RBM44: variants seen among roughly 807,000 people sequenced by gnomAD.
RBM44 encodes the protein RNA binding motif protein 44.
Under a neutral mutation model 105.1 loss-of-function variants are expected in RBM44, and 66 were observed. The ratio of observed to expected loss-of-function variants is 0.63; its 90% CI spans 0.52 to 0.77. The LOEUF is 0.77. RBM44 is among the 30% of genes least tolerant of loss of function. The pLI is 0.00. For synonymous variants in RBM44, 365 were observed against 417.6 expected (o/e 0.87, Z 1.54); for missense variants, 1,122 against 1,207.8 (o/e 0.93, Z 1.05).
chr2:237,799,484 CG>C (rs1280462650), intron 1 of RBM44: 1 of 152,140 alleles, frequency 6.6e-6, no homozygotes, highest in Non-Finnish European at 1.5e-5. Context: ...TTAGTAGAGA[CG>C]GGGTTTCAAC....
intron 1 of RBM44, among the ~76,000 whole-genome samples, chr2:237,809,117 A>G (rs2061628988): frequency 6.6e-6 from 1 of 152,226 alleles, no homozygotes; most frequent in Non-Finnish European, 1.5e-5. Context: ...TTGATAATCA[A>G]GAATCCATCC....
At chr2:237,820,976 A>G (rs566928459) in intron 5 of RBM44, 95 bp from the exon 6 acceptor site, 8 of 861,356 alleles carry the variant, frequency 9.3e-6, no homozygotes, top group South Asian at 4.0e-5. Context: ...GCTTGAGCCC[A>G]GGAGTTCAAG....
chr2:237,830,921 CA>C (rs747488519), intron 13 of RBM44, among the ~76,000 whole-genome samples: 6,278 of 138,112 alleles, frequency 0.045, 398 homozygotes, highest in African/African-American at 0.15. Context: ...CGTCTATCTA[CA>C]AAAAAAAAAA....
chr2:237,809,059 C>T lies in RBM44; in HGVS notation c.-18-4533C>T, dbSNP rs78600867. ...TTCAATTCTCATTATATATGAATGT[C>T]CATTTCATGACCCTTAATAACACAA... On this transcript the variant is annotated intron_variant, in intron 1 of 15. Coordinates refer to ENST00000316997, the MANE Select transcript of RBM44 (RefSeq NM_001080504.3). Among the ~76,000 whole-genome samples the T allele has an allele frequency of 3.9e-3, 596 of 152,272 alleles. 6 individuals are homozygous for T. Among genetic ancestry groups the T allele is most frequent in the African/African-American group, 0.014 (571 of 41,546 alleles).
chr2:237,831,699 G>A (rs1427929163), intron 13 of RBM44, among the ~76,000 whole-genome samples: 1 of 152,060 alleles, frequency 6.6e-6, no homozygotes, highest in Non-Finnish European at 1.5e-5. Flanking sequence ...TTACCTCAAC[G>A]GCCCTTTTCA....
chr2:237,802,981 T>C (rs1369377852), intron 1 of RBM44, among the ~76,000 whole-genome samples: 1 of 152,150 alleles, frequency 6.6e-6, no homozygotes, highest in Non-Finnish European at 1.5e-5. Context: ...TTAAAAGCCA[T>C]TTTGGCCAGG....
intron 13 of RBM44, among the ~76,000 whole-genome samples, chr2:237,833,267 C>G (rs2061920366): frequency 6.6e-6 from 1 of 152,136 alleles, no homozygotes; most frequent in African/African-American, 2.4e-5. Context: ...TGTGAAAGGT[C>G]CAGTATATCA....
At chr2:237,837,545 A>G (rs2061971842) in intron 15 of RBM44, among the ~76,000 whole-genome samples, 1 of 152,250 alleles carries the variant, frequency 6.6e-6, no homozygotes, top group Non-Finnish European at 1.5e-5. Context: ...GATGCGGTAG[A>G]CATAGCAAGA....
chr2:237,837,758 C>A (rs553872647), intron 15 of RBM44, among the ~76,000 whole-genome samples: 1 of 145,688 alleles, frequency 6.9e-6, no homozygotes, highest in Non-Finnish European at 1.6e-5. Flanking sequence ...AATTCTCCCA[C>A]TCAGCCTCCC....
rs2061783093 is a variant in RBM44, at chr2:237,821,129, G to A, written c.1972G>A (p.Gly658Arg). 1.2e-6 allele frequency: 2 copies of A among 1,610,528 alleles called. No homozygotes were observed. The highest frequency in any genetic ancestry group is 1.3e-5 in the African/African-American group (1 of 74,744). Residue 658 changes from glycine to arginine, a missense_variant, in exon 6 of 16, where the codon GGG becomes AGG. Transcript: ENST00000316997. ...ELGSALLSLL[G>R]DLKVRYVTLK... Reference sequence around the variant, plus strand: ...GGGATCAGCACTACTGTCTCTTTTGGGGGACTTAAAAGTTAGATATGTGAC... The same window carrying A: ...GGGATCAGCACTACTGTCTCTTTTGAGGGACTTAAAAGTTAGATATGTGAC...
chr2:237,835,039 T>C (rs1177136695), intron 15 of RBM44, among the ~76,000 whole-genome samples: 1 of 152,230 alleles, frequency 6.6e-6, no homozygotes, highest in Non-Finnish European at 1.5e-5. Context: ...TTTACCCACT[T>C]TGTGTCTGTG....
intron 13 of RBM44, among the ~76,000 whole-genome samples, chr2:237,831,155 A>G (rs911697872): frequency 1.4e-5 from 2 of 147,512 alleles, no homozygotes; most frequent in African/African-American, 2.5e-5. Flanking sequence ...CTGTACTCCA[A>G]GTCAGGCACA....
At chr2:237,826,471 C>A (rs1489189705) in intron 10 of RBM44, among the ~76,000 whole-genome samples, 1 of 151,960 alleles carries the variant, frequency 6.6e-6, no homozygotes, top group Admixed American at 6.6e-5. Context: ...GTTGTCTCTC[C>A]CCTTTTTTGT....
At chr2:237,809,785 AGCCACATACAGTGGC>A (rs2061638146) in intron 1 of RBM44, among the ~76,000 whole-genome samples, 1 of 152,200 alleles carries the variant, frequency 6.6e-6, no homozygotes, top group South Asian at 2.1e-4. Context: ...ATTTTCTAGT[AGCCACATACAGTGGC>A]TCATGCCTGT....
At chr2:237,805,052 A>G (rs2061584929) in intron 1 of RBM44, among the ~76,000 whole-genome samples, 1 of 152,214 alleles carries the variant, frequency 6.6e-6, no homozygotes, top group Non-Finnish European at 1.5e-5. Context: ...GAGGAAGTCA[A>G]ACTGTCTCTG....
chr2:237,822,201 C>T (rs2061799762), intron 8 of RBM44, among the ~76,000 whole-genome samples: 1 of 152,060 alleles, frequency 6.6e-6, no homozygotes, highest in African/African-American at 2.4e-5. Flanking sequence ...GTACGTTCAT[C>T]TCATGAGGTA....
intron 13 of RBM44, among the ~76,000 whole-genome samples, chr2:237,831,869 C>T (rs2061906813): frequency 1.3e-5 from 2 of 152,148 alleles, no homozygotes; most frequent in Admixed American, 1.3e-4. Context: ...CCTCGATCTA[C>T]AGCAGGAAGG....
chr2:237,821,885 T>C, intron 8 of RBM44, 58 bp downstream of exon 8: 1 of 1,165,586 alleles, frequency 8.6e-7, no homozygotes, highest in Non-Finnish European at 1.3e-6. Flanking sequence ...TTACGTAAAG[T>C]AAATCATAAT....
intron 15 of RBM44, among the ~76,000 whole-genome samples, chr2:237,838,339 A>T (rs1368794721): frequency 2.0e-5 from 3 of 152,138 alleles, no homozygotes; most frequent in African/African-American, 7.2e-5. Context: ...GCAAATAAAA[A>T]AACTAAGATA....
Sources: allele counts gnomAD v4.1 joint callset (sites outside exome capture counted in the v4.1 genomes callset), GRCh38; gene constraint gnomAD v4.1.1; transcripts MANE v1.5; gene names NCBI Gene and HGNC (gene_info 2026-07-23, HGNC 2026-07-21).